The following SPCS2 variants were observed in gnomAD, a reference collection of about 807,000 sequenced individuals.
The protein encoded by SPCS2 is signal peptidase complex subunit 2, also known as SPase 25 kDa subunit.
A neutral mutation model predicts 22.3 loss-of-function variants in SPCS2; 3 were observed. The observed-to-expected ratio is 0.13, with a 90% CI of 0.06 to 0.35. SPCS2 has a LOEUF of 0.35. SPCS2 is among the 10% of genes least tolerant of loss of function. The pLI is 1.00. For synonymous variants in SPCS2, 67 were observed against 97.2 expected (o/e 0.69, Z 1.83); for missense variants, 169 against 280.9 (o/e 0.60, Z 2.85).
chr11:74,972,245 G>T (rs1271666859), intron 4 of SPCS2, among the ~76,000 whole-genome samples: 2 of 152,042 alleles, frequency 1.3e-5, no homozygotes, highest in Admixed American at 1.3e-4. Flanking sequence ...TGTATTTTTT[G>T]TAGAGATGGG....
chr11:74,952,406 A>G (rs1032906678), intron 1 of SPCS2, among the ~76,000 whole-genome samples: 3 of 152,206 alleles, frequency 2.0e-5, no homozygotes, highest in Non-Finnish European at 4.4e-5. Flanking sequence ...GCTTGTTGTA[A>G]GGATCAAATT....
chr11:74,957,903 T>G (rs1948489179), intron 1 of SPCS2, among the ~76,000 whole-genome samples: 1 of 152,254 alleles, frequency 6.6e-6, no homozygotes, highest in African/African-American at 2.4e-5. Context: ...GATTGTTGAC[T>G]ACATTTCAGT....
Position 74,969,602 on chromosome 11 carries a change from T to C in SPCS2, c.397T>C (p.Ser133Pro). The C allele has an allele frequency of 6.2e-7, 1 of 1,613,428 alleles. No homozygotes were observed. The highest frequency in any genetic ancestry group is 8.5e-7 in the Non-Finnish European group (1 of 1,179,440). The change falls in exon 4 of 5, where the codon TCA (serine) becomes CCA (proline). Residue 133 changes from serine (S) to proline (P), a missense_variant. This residue lies in a region of SPCS2 where 118 missense variants were observed against 243.1 expected (regional missense o/e 0.49). Transcript: ENST00000263672. ...VMMGILTIYT[S>P]YKEKSIFLVA... ...GATGGGGATTCTGACCATTTATACC[T>C]CATATAAGGAGAAGAGCATCTTTCT... is the stretch of plus-strand genomic sequence containing the variant.
rs1387761889 is a variant in SPCS2, at chr11:74,977,798, A to C, written c.*755A>C. On this transcript the variant is annotated 3_prime_UTR_variant, in exon 5 of 5. Coordinates refer to ENST00000263672, the MANE Select transcript of SPCS2 (RefSeq NM_014752.3). ...AAACAAGTGTTAACATCTTTCTACT[A>C]TAGGTTTTTTTCATTTTTAGGCTAT... is the stretch of plus-strand genomic sequence containing the variant. The C allele has an allele frequency of 6.6e-6, 1 of 152,610 alleles. No homozygotes were observed. The highest frequency in any genetic ancestry group is 1.5e-5 in the Non-Finnish European group (1 of 68,030). The allele number at this position is 152,610 out of a possible 1,614,324, so 9.5% of individuals were successfully genotyped here.
At chr11:74,950,001 G>C (rs1489712705) in intron 1 of SPCS2, among the ~76,000 whole-genome samples, 1 of 149,766 alleles carries the variant, frequency 6.7e-6, no homozygotes, top group Non-Finnish European at 1.5e-5. Flanking sequence ...CTCCCTCTTT[G>C]CTACCAAGTG....
intron 4 of SPCS2, among the ~76,000 whole-genome samples, chr11:74,976,011 C>G (rs749950665): frequency 1.2e-4 from 18 of 152,162 alleles, no homozygotes; most frequent in Non-Finnish European, 2.5e-4. Context: ...CTAAAGGAAT[C>G]TCTGGAGTTC....
rs1948617395 is a variant in SPCS2, at chr11:74,976,929, C to T, written c.567C>T (p.Phe189=). 1 of 1,612,974 alleles carries T rather than the reference C, an allele frequency of 6.2e-7. No homozygotes were observed. The highest frequency in any genetic ancestry group is 1.3e-5 in the African/African-American group (1 of 74,776). The change falls in exon 5 of 5, where the codon TTC becomes TTT. Residue 189 remains phenylalanine (F), a synonymous_variant. Coordinates refer to ENST00000263672, the MANE Select transcript of SPCS2 (RefSeq NM_014752.3). Reference sequence around the variant, plus strand: ...CAAAGCAGCAGCGGGAAGCCGAGTTCACAAAGTCCATTGCTAAGTTTTTTG... The same window carrying T: ...CAAAGCAGCAGCGGGAAGCCGAGTTTACAAAGTCCATTGCTAAGTTTTTTG... ...GRTKQQREAE[F]TKSIAKFFDH...
intron 4 of SPCS2, among the ~76,000 whole-genome samples, chr11:74,975,017 A>G (rs1397835150): frequency 6.6e-6 from 1 of 152,088 alleles, no homozygotes; most frequent in Admixed American, 6.5e-5. Flanking sequence ...AGTCAGATCA[A>G]CTCAGTCTTT....
intron 4 of SPCS2, among the ~76,000 whole-genome samples, chr11:74,971,739 G>A (rs1018756233): frequency 3.3e-5 from 5 of 151,702 alleles, no homozygotes; most frequent in South Asian, 2.1e-4. Flanking sequence ...TGACTCTCTC[G>A]CAAAAAGTGA....
intron 1 of SPCS2, among the ~76,000 whole-genome samples, chr11:74,950,890 G>T (rs616085): frequency 0.41 from 61,593 of 151,970 alleles, 13,310 homozygotes; most frequent in Middle Eastern, 0.5. Flanking sequence ...TCTGGAGGTT[G>T]GGATGGTAAA....
At chr11:74,967,478 C>T (rs542741986) in intron 3 of SPCS2, among the ~76,000 whole-genome samples, 1 of 152,110 alleles carries the variant, frequency 6.6e-6, no homozygotes, top group African/African-American at 2.4e-5. Context: ...TGCTGGGCAT[C>T]GTGGCTCATG....
chr11:74,974,384 C>T (rs959948174), intron 4 of SPCS2, among the ~76,000 whole-genome samples: 1 of 152,146 alleles, frequency 6.6e-6, no homozygotes, highest in African/African-American at 2.4e-5. Context: ...GGTCCAAAAC[C>T]TAACTCATCT....
At chr11:74,975,911 G>C (rs1441631567) in intron 4 of SPCS2, among the ~76,000 whole-genome samples, 1 of 152,164 alleles carries the variant, frequency 6.6e-6, no homozygotes, top group Non-Finnish European at 1.5e-5. Context: ...GAAACAGGGT[G>C]GGGGATGTCA....
intron 4 of SPCS2, among the ~76,000 whole-genome samples, chr11:74,973,954 A>G (rs1253673036): frequency 6.6e-6 from 1 of 152,006 alleles, no homozygotes; most frequent in Non-Finnish European, 1.5e-5. Context: ...CCCAACTGAA[A>G]AAAAAAAAGG....
intron 1 of SPCS2, among the ~76,000 whole-genome samples, chr11:74,950,912 CAT>C (rs1948427274): frequency 6.6e-6 from 1 of 152,170 alleles, no homozygotes; most frequent in Non-Finnish European, 1.5e-5. Flanking sequence ...TGCTTCAAGA[CAT>C]GTGAGAGTAT....
Position 74,950,693 on chromosome 11 carries a change from T to C in SPCS2, c.114+1294T>C, listed in dbSNP as rs913052661. Among the ~76,000 whole-genome samples, 10 of 152,316 alleles carry C rather than the reference T, an allele frequency of 6.6e-5. 1 individual carries two copies. The highest frequency in any genetic ancestry group is 6.5e-4 in the Admixed American group (10 of 15,306). ...CTGGGACTGCAAATGTGCACCACTATGCCTGACTAATTTTTTTGCTTTTAA... is the reference window on the plus strand; with the variant it reads ...CTGGGACTGCAAATGTGCACCACTACGCCTGACTAATTTTTTTGCTTTTAA... On this transcript the variant is annotated intron_variant, in intron 1 of 4. Coordinates refer to ENST00000263672, the MANE Select transcript of SPCS2 (RefSeq NM_014752.3).
At position 74,952,557 on chromosome 11, in the gene SPCS2, TC is replaced by T. The variant is rs544687268; in HGVS notation, c.114+3159del. Among the ~76,000 whole-genome samples the T allele has an allele frequency of 9.9e-5, 15 of 152,260 alleles. No homozygotes were observed. The South Asian group carries it at 3.1e-3, about 32-fold the overall frequency. On this transcript the variant is annotated intron_variant, in intron 1 of 4. Transcript: ENST00000263672. Reference sequence around the variant, plus strand: ...ATCGTGAACTCCTGGCCTCAAGTGATCTGCCCACCTCAGCCTCCCAAAGTAC... The same window carrying T: ...ATCGTGAACTCCTGGCCTCAAGTGATTGCCCACCTCAGCCTCCCAAAGTAC...
chr11:74,965,026 T>G lies in SPCS2; in HGVS notation c.115-8T>G. 6.5e-7 allele frequency: 1 copy of G among 1,544,786 alleles called. No individual in the cohort carries two copies. Among genetic ancestry groups the G allele is most frequent in the Non-Finnish European group, 8.7e-7 (1 of 1,143,856 alleles). ...TCTTGATGCACAACTTTTTTGTTTGTTTTACAGTGGAAGATAGATGATAAG... is the reference window on the plus strand; with the variant it reads ...TCTTGATGCACAACTTTTTTGTTTGGTTTACAGTGGAAGATAGATGATAAG... On this transcript the variant is annotated splice_polypyrimidine_tract_variant and splice_region_variant and intron_variant, in intron 1 of 4. Coordinates refer to ENST00000263672, the MANE Select transcript of SPCS2 (RefSeq NM_014752.3).
chr11:74,965,136 G>T lies in SPCS2; in HGVS notation c.198+19G>T, dbSNP rs1346082228. ...CAAAAAGGTACTTTCTTGAGGAGGGGTTGGTTAGTATCTATACAGCTGATG... is the reference window on the plus strand; with the variant it reads ...CAAAAAGGTACTTTCTTGAGGAGGGTTTGGTTAGTATCTATACAGCTGATG... On this transcript the variant is annotated intron_variant, in intron 2 of 4. Coordinates refer to ENST00000263672, the MANE Select transcript of SPCS2 (RefSeq NM_014752.3). 1.3e-6 allele frequency: 2 copies of T among 1,525,074 alleles called. No homozygotes were observed. Among genetic ancestry groups the T allele is most frequent in the South Asian group, 1.2e-5 (1 of 83,384 alleles). The allele number at this position is 1,525,074 out of a possible 1,614,324, so 94.5% of individuals were successfully genotyped here.
Sources: allele counts gnomAD v4.1 joint callset (sites outside exome capture counted in the v4.1 genomes callset), GRCh38; gene constraint gnomAD v4.1.1; regional missense constraint gnomAD v4.1.1; transcripts MANE v1.5; gene names NCBI Gene and HGNC (gene_info 2026-07-23, HGNC 2026-07-21).